Variants in DSCAM observed in about 807,000 individuals in gnomAD.
DSCAM encodes the protein DS cell adhesion molecule.
In DSCAM, 47 loss-of-function variants were observed where a neutral mutation model predicts 217.7. The observed-to-expected ratio is 0.22, with a 90% CI of 0.17 to 0.28. The LOEUF (loss-of-function observed/expected upper bound fraction) is 0.28, where lower values mean the gene tolerates loss of function less well. Among genes scored for constraint, DSCAM ranks in the 10% least tolerant of loss-of-function variants. The pLI is 1.00. For missense variants in DSCAM, 2,080 were observed against 2,618.3 expected (o/e 0.79, Z 4.49); for synonymous variants, 1,056 against 1,015.3 (o/e 1.04, Z -0.76).
At chr21:40,080,063 TAA>T in intron 25 of DSCAM, 87 bp downstream of exon 25, 1 of 1,228,964 alleles carries the variant, frequency 8.1e-7, no homozygotes, top group Non-Finnish European at 1.1e-6. Flanking sequence ...CACATAAACG[TAA>T]AACATGATGG....
At chr21:40,171,111 T>C (rs2090652116) in intron 15 of DSCAM, among the ~76,000 whole-genome samples, 1 of 152,224 alleles carries the variant, frequency 6.6e-6, no homozygotes, top group South Asian at 2.1e-4. Flanking sequence ...AGGGTCTCAC[T>C]CTGTCGCCCA....
chr21:40,174,927 A>G (rs527863196), intron 15 of DSCAM, among the ~76,000 whole-genome samples: 1 of 152,084 alleles, frequency 6.6e-6, no homozygotes, highest in Non-Finnish European at 1.5e-5. Context: ...CAGCCATTTC[A>G]TGGGTGGTCA....
chr21:40,532,587 G>A (rs998961831), intron 3 of DSCAM, among the ~76,000 whole-genome samples: 1 of 152,180 alleles, frequency 6.6e-6, no homozygotes, highest in African/African-American at 2.4e-5. Context: ...AGTTCTTGCC[G>A]AGGGCTTTAG....
At chr21:40,602,558 T>C (rs1184701115) in intron 3 of DSCAM, among the ~76,000 whole-genome samples, 1 of 152,218 alleles carries the variant, frequency 6.6e-6, no homozygotes, top group Non-Finnish European at 1.5e-5. Context: ...TGATAGTCTG[T>C]GTCCTTCAAG....
At chr21:40,196,460 A>T (rs1463052644) in intron 11 of DSCAM, among the ~76,000 whole-genome samples, 1 of 152,160 alleles carries the variant, frequency 6.6e-6, no homozygotes, top group Non-Finnish European at 1.5e-5. Flanking sequence ...GGTGGGGGTT[A>T]TGCATGGATT....
intron 20 of DSCAM, among the ~76,000 whole-genome samples, chr21:40,119,711 T>C (rs2090010447): frequency 6.6e-6 from 1 of 151,322 alleles, no homozygotes; most frequent in African/African-American, 2.4e-5. Context: ...TAAAAGCAAA[T>C]TGCTATCTAG....
chr21:40,652,363 C>A (rs965953075), intron 3 of DSCAM, among the ~76,000 whole-genome samples: 99 of 142,828 alleles, frequency 6.9e-4, no homozygotes, highest in Middle Eastern at 3.5e-3. Flanking sequence ...AAAAAAAAAA[C>A]AACTTCTAGC....
intron 3 of DSCAM, among the ~76,000 whole-genome samples, chr21:40,678,702 A>G (rs1266616246): frequency 1.3e-5 from 2 of 152,178 alleles, no homozygotes; most frequent in Non-Finnish European, 2.9e-5. Context: ...ATTGATCACT[A>G]TTTGAAACAA....
chr21:40,727,115 C>T (rs138480463), intron 1 of DSCAM, among the ~76,000 whole-genome samples: 25 of 152,294 alleles, frequency 1.6e-4, no homozygotes, highest in African/African-American at 6.0e-4. Context: ...ACATTCTCAC[C>T]TACATCAGTC....
Position 40,665,953 on chromosome 21 carries a change from T to TA in DSCAM, c.508+26856dup, listed in dbSNP as rs370975691. Among the ~76,000 whole-genome samples the TA allele has an allele frequency of 5.8e-3, 828 of 141,752 alleles. 7 individuals are homozygous for TA. Among genetic ancestry groups the TA allele is most frequent in the African/African-American group, 0.02 (801 of 39,546 alleles). The allele number at this position is 141,752 out of a possible 152,430, so 93.0% of individuals were successfully genotyped here. A position where few individuals can be genotyped will look rare whatever the true frequency, so the allele number is the denominator to read the frequency against. On this transcript the variant is annotated intron_variant, in intron 3 of 32. Transcript: ENST00000400454. ...CTGTTCTTTGGGCCCTAAGGTGACT[T>TA]AGAGTGTGGAATCAGCTCAGGCTTT... is the stretch of plus-strand genomic sequence containing the variant.
At chr21:40,122,126 CTT>C (rs1469249869) in intron 20 of DSCAM, among the ~76,000 whole-genome samples, 1 of 152,108 alleles carries the variant, frequency 6.6e-6, no homozygotes, top group Admixed American at 6.5e-5. Flanking sequence ...ACCTGTGTGA[CTT>C]TGTTTTCAGG....
chr21:40,425,211 T>C (rs937222468), intron 3 of DSCAM, among the ~76,000 whole-genome samples: 21 of 152,076 alleles, frequency 1.4e-4, no homozygotes, highest in Admixed American at 6.5e-5. Context: ...TCAAAAAAGA[T>C]AATGATGTAG....
intron 11 of DSCAM, among the ~76,000 whole-genome samples, chr21:40,268,747 G>A (rs1386749047): frequency 2.0e-5 from 3 of 152,004 alleles, no homozygotes; most frequent in Admixed American, 6.6e-5. Context: ...TCAGGAGTTT[G>A]AGACCAGCTT....
At chr21:40,267,071 A>G (rs2073548167) in intron 11 of DSCAM, among the ~76,000 whole-genome samples, 1 of 151,914 alleles carries the variant, frequency 6.6e-6, no homozygotes, top group Non-Finnish European at 1.5e-5. Flanking sequence ...CTATATATTG[A>G]GTACAATGTA....
chr21:40,361,406 G>T (rs1217473221), intron 4 of DSCAM, among the ~76,000 whole-genome samples: 7 of 152,124 alleles, frequency 4.6e-5, no homozygotes, highest in Non-Finnish European at 7.3e-5. Context: ...GGATCACAAG[G>T]TCAGGAGATC....
intron 1 of DSCAM, among the ~76,000 whole-genome samples, chr21:40,714,575 T>G (rs544563133): frequency 6.6e-6 from 1 of 152,308 alleles, no homozygotes; most frequent in East Asian, 1.9e-4. Context: ...CTTTTTGGAA[T>G]GGGAATGTCC....
intron 1 of DSCAM, among the ~76,000 whole-genome samples, chr21:40,800,488 C>T (rs1397934911): frequency 1.3e-5 from 2 of 151,990 alleles, no homozygotes; most frequent in Admixed American, 1.3e-4. Context: ...TGGTGGTGAC[C>T]AGAATGCTAA....
intron 1 of DSCAM, among the ~76,000 whole-genome samples, chr21:40,757,400 AAAATGGCTGCAAC>A (rs1250642897): frequency 4.6e-5 from 7 of 152,234 alleles, no homozygotes; most frequent in African/African-American, 1.7e-4. Context: ...CTATTTGCAA[AAAATGGCTGCAAC>A]AAATTCTCTC....
intron 8 of DSCAM, among the ~76,000 whole-genome samples, chr21:40,326,339 G>A (rs778413117): frequency 2.6e-5 from 4 of 152,142 alleles, no homozygotes; most frequent in African/African-American, 4.8e-5. Context: ...GGACAGAGGT[G>A]GCACTCTCAT....
Sources: allele counts gnomAD v4.1 joint callset (sites outside exome capture counted in the v4.1 genomes callset), GRCh38; gene constraint gnomAD v4.1.1; transcripts MANE v1.5; gene names NCBI Gene and HGNC (gene_info 2026-07-23, HGNC 2026-07-21).